The following RELA variants were observed in gnomAD, a reference collection of about 807,000 sequenced individuals.
RELA encodes the protein RELA proto-oncogene, NF-kB subunit, also known as transcription factor p65.
Under a neutral mutation model 56.7 loss-of-function variants are expected in RELA, and 14 were observed. The observed-to-expected ratio is 0.25, with a 90% CI of 0.16 to 0.39. The LOEUF is 0.39. Among genes scored for constraint, RELA ranks in the 10% least tolerant of loss-of-function variants. RELA has a pLI of 1.00. For missense variants in RELA, 559 were observed against 736.4 expected, an observed-to-expected ratio of 0.76 and a Z score of 2.79; for synonymous variants, 315 against 289.7, an observed-to-expected ratio of 1.09 and a Z score of -0.89.
At chr11:65,656,496 A>T (rs1856432439) in intron 8 of RELA, among the ~76,000 whole-genome samples, 1 of 152,198 alleles carries the variant, frequency 6.6e-6, no homozygotes, top group Non-Finnish European at 1.5e-5. Flanking sequence ...TTTCTCCTGC[A>T]TTCCCTGACC....
In RELA at chr11:65,659,678, T is replaced by C. The variant is rs1241103660; in HGVS notation, c.547A>G (p.Ile183Val). 2 of 1,613,494 alleles carry C rather than the reference T, an allele frequency of 1.2e-6. No individual in the cohort carries two copies. Among genetic ancestry groups the C allele is most frequent in the Non-Finnish European group, 1.7e-6 (2 of 1,179,930 alleles). ...LRLPPVLSHP[I>V]FDNRAPNTAE... ...CCTCGCTACTCACGATTGTCAAAGA[T>C]GGGATGAGAAAGGACAGGCGGCAGG... The change falls in exon 6 of 11, where the codon ATC becomes GTC. Residue 183 changes from isoleucine to valine, a missense_variant. This residue lies in a region of RELA where 149 missense variants were observed against 256.0 expected (regional missense o/e 0.58). Transcript: ENST00000406246.
intron 4 of RELA, 84 bp from the exon 5 acceptor site, chr11:65,660,299 G>T: frequency 1.6e-6 from 2 of 1,246,976 alleles, no homozygotes; most frequent in East Asian, 2.3e-5. Flanking sequence ...TTCCTACTCT[G>T]CCCACCCCTA....
Position 65,659,715 on chromosome 11 carries a change from G to T in RELA, c.510C>A (p.Gly170=), listed in dbSNP as rs1360244164. 4 of 1,613,810 alleles carry T rather than the reference G, an allele frequency of 2.5e-6. No individual in the cohort carries two copies. The highest frequency in any genetic ancestry group is 1.3e-5 in the African/African-American group (1 of 74,934). The change falls in exon 6 of 11, where the codon GGC becomes GGA. Residue 170 remains glycine, a synonymous_variant. Coordinates refer to ENST00000406246, the MANE Select transcript of RELA (RefSeq NM_021975.4). ...CFQVTVRDPS[G]RPLRLPPVLS... is the part of the protein sequence containing the mutation. ...GGACAGGCGGCAGGCGGAGGGGCCT[G>T]CCTGATGGGTCCCGCACTGTCACCT...
intron 1 of RELA, 69 bp from the exon 2 acceptor site, chr11:65,662,274 C>G: frequency 6.9e-7 from 1 of 1,457,854 alleles, no homozygotes; most frequent in Non-Finnish European, 9.1e-7. Context: ...AATCTGCTCT[C>G]CACGGAGAGG....
At chr11:65,663,452 G>A (rs1388696122), upstream of RELA, among the ~76,000 whole-genome samples, 1 of 152,204 alleles carries the variant, frequency 6.6e-6, no homozygotes, top group East Asian at 1.9e-4. Flanking sequence ...AATGGGAGCG[G>A]CCGGACCTCC....
At position 65,658,351 on chromosome 11, in the gene RELA, C is replaced by T; in HGVS notation, c.813G>A (p.Gln271=). The part of the protein sequence containing the change: ...SLQAPVRVSM[Q]LRRPSDRELS... ...GCTCCCGGTCGGAAGGCCGCCGCAG[C>T]TGCATGGAGACACGCACAGGAGCCT... The change falls in exon 8 of 11, where the codon CAG becomes CAA. Residue 271 remains glutamine, a synonymous_variant. Coordinates refer to ENST00000406246, the MANE Select transcript of RELA (RefSeq NM_021975.4). The surrounding 1 kb of genome is among the most constrained non-coding windows in gnomAD (Gnocchi z 4.5). The T allele has an allele frequency of 6.2e-7, 1 of 1,613,552 alleles. No homozygotes were observed. The highest frequency in any genetic ancestry group is 8.5e-7 in the Non-Finnish European group (1 of 1,179,840).
In RELA at chr11:65,662,879, C is replaced by T; in HGVS notation, c.-47G>A. On this transcript the variant is annotated 5_prime_UTR_variant, in exon 1 of 11. Coordinates refer to ENST00000406246, the MANE Select transcript of RELA (RefSeq NM_021975.4). ...GCCGGGGTCGCAGCTGGGCCCGCGG[C>T]GTGCACTACAGACGAGCCATTCGCC... 3 of 1,184,074 alleles carry T rather than the reference C, an allele frequency of 2.5e-6. No homozygotes were observed. Among genetic ancestry groups the T allele is most frequent in the Non-Finnish European group, 3.1e-6 (3 of 956,570 alleles). 73.3% of individuals were successfully genotyped at this position (1,184,074 alleles called of 1,614,324 possible). A position where few individuals can be genotyped will look rare whatever the true frequency, so the allele number is the denominator to read the frequency against.
At position 65,654,919 on chromosome 11, in the gene RELA, T is replaced by C; in HGVS notation, c.1115A>G (p.Gln372Arg). 6.2e-7 allele frequency: 1 copy of C among 1,600,016 alleles called. No individual in the cohort carries two copies. Among genetic ancestry groups the C allele is most frequent in the Non-Finnish European group, 8.5e-7 (1 of 1,173,898 alleles). Reference sequence around the variant, plus strand: ...GGCCAAGGCCGAGGCCTGGCTGATCTGCCCAGAAGGAAACACCATGGTGGG... The same window carrying C: ...GGCCAAGGCCGAGGCCTGGCTGATCCGCCCAGAAGGAAACACCATGGTGGG... The part of the protein sequence containing the change: ...EFPTMVFPSG[Q>R]ISQASALAPA... Residue 372 changes from glutamine to arginine, a missense_variant, in exon 11 of 11, where the codon CAG becomes CGG. Gln to Arg is a conservative substitution (Grantham distance 43). This residue lies in a region of RELA where 365 missense variants were observed against 387.5 expected (regional missense o/e 0.94). Transcript: ENST00000406246.
rs1402366956 is a variant in RELA at position 65,662,197 on chromosome 11, G to A, written c.16C>T (p.Pro6Ser). 1.9e-6 allele frequency: 3 copies of A among 1,582,528 alleles called. No individual in the cohort carries two copies. MDELF[P>S]LIFPAEPAQA... Reference sequence around the variant, plus strand: ...CACTTACCTGCCGGGAAGATGAGGGGGAACAGTTCTGAAAGGGGAGGGAGA... The same window carrying A: ...CACTTACCTGCCGGGAAGATGAGGGAGAACAGTTCTGAAAGGGGAGGGAGA... Residue 6 changes from proline (P) to serine (S), a missense_variant, in exon 2 of 11, where the codon CCC becomes TCC. Transcript: ENST00000406246.
At chr11:65,662,405 G>A (rs869068092) in intron 1 of RELA, 200 bp from the exon 2 acceptor site, 1 of 590,550 alleles carries the variant, frequency 1.7e-6, no homozygotes, top group South Asian at 2.9e-5. Flanking sequence ...AACGGGGTAA[G>A]GAATCCTTCT....
rs1282808983 is a variant in RELA at position 65,654,841 on chromosome 11, G to A, written c.1193C>T (p.Ala398Val). The change falls in exon 11 of 11, where the codon GCC becomes GTC. Residue 398 changes from alanine to valine, a missense_variant. Coordinates refer to ENST00000406246, the MANE Select transcript of RELA (RefSeq NM_021975.4). ...GGCCTGGGCCAGAGCTGATACCATGGCTGGAGCAGGGGCAGGGGCTGGAGC... is the reference window on the plus strand; with the variant it reads ...GGCCTGGGCCAGAGCTGATACCATGACTGGAGCAGGGGCAGGGGCTGGAGC... ...PQAPAPAPAP[A>V]MVSALAQAPA... 6.4e-7 allele frequency: 1 copy of A among 1,555,234 alleles called. No homozygotes were observed. Among genetic ancestry groups the A allele is most frequent in the South Asian group, 1.2e-5 (1 of 84,876 alleles).
chr11:65,662,241 C>G, intron 1 of RELA, 36 bp from the exon 2 acceptor site: 1 of 1,514,192 alleles, frequency 6.6e-7, no homozygotes, highest in Non-Finnish European at 8.8e-7. Flanking sequence ...AGCACACACC[C>G]AATGCCCATT....
At chr11:65,660,087 C>A (rs1455808537) in intron 5 of RELA, 37 bp downstream of exon 5, 2 of 1,588,540 alleles carry the variant, frequency 1.3e-6, no homozygotes, top group Admixed American at 1.7e-5. Context: ...GGGAGGGTGA[C>A]AGAGGGTGCG....
chr11:65,658,533 T>C lies in RELA; in HGVS notation c.665-34A>G. 6.5e-7 allele frequency: 1 copy of C among 1,531,148 alleles called. No homozygotes were observed. Among genetic ancestry groups the C allele is most frequent in the Non-Finnish European group, 9.0e-7 (1 of 1,115,822 alleles). 94.8% of individuals were successfully genotyped at this position (1,531,148 alleles called of 1,614,324 possible). A position where few individuals can be genotyped will look rare whatever the true frequency, so the allele number is the denominator to read the frequency against. On this transcript the variant is annotated intron_variant, in intron 7 of 10. Transcript: ENST00000406246. This position sits in a 1 kb window ranked among gnomAD's most constrained non-coding sequence, Gnocchi z 4.5. The stretch of plus-strand genomic sequence containing the variant: ...GATGCGGTGGCAGTGTGGGTCAGTG[T>C]GTCTAACCCTCCATGGTCTCCCCCT...
intron 8 of RELA, among the ~76,000 whole-genome samples, chr11:65,656,281 G>A (rs923767810): frequency 2.0e-5 from 3 of 152,196 alleles, no homozygotes; most frequent in Non-Finnish European, 4.4e-5. Context: ...CAGGCCTGGC[G>A]AGAATTTCTT....
intron 8 of RELA, 47 bp from the exon 9 acceptor site, chr11:65,655,982 T>C (rs1182515817): frequency 6.5e-7 from 1 of 1,530,442 alleles, no homozygotes; most frequent in African/African-American, 1.4e-5. Flanking sequence ...CTCAGGTGGG[T>C]CCCCGACGCT....
Position 65,658,164 on chromosome 11 carries a change from T to G in RELA, c.877+123A>C. 3.0e-6 allele frequency: 2 copies of G among 673,926 alleles called. No individual in the cohort carries two copies. Among genetic ancestry groups the G allele is most frequent in the Non-Finnish European group, 5.0e-6 (2 of 400,446 alleles). 41.7% of individuals were successfully genotyped at this position (673,926 alleles called of 1,614,324 possible). ...ATGAGGCAAGAAATGGATTCCAGTTTCTTGGATCCCAAGCTCTGACTCCAG... is the reference window on the plus strand; with the variant it reads ...ATGAGGCAAGAAATGGATTCCAGTTGCTTGGATCCCAAGCTCTGACTCCAG... On this transcript the variant is annotated intron_variant, in intron 8 of 10. Coordinates refer to ENST00000406246, the MANE Select transcript of RELA (RefSeq NM_021975.4). The surrounding 1 kb of genome is among the most constrained non-coding windows in gnomAD (Gnocchi z 4.5).
chr11:65,654,334 A>G lies in RELA; in HGVS notation c.*44T>C, dbSNP rs758529362. On this transcript the variant is annotated 3_prime_UTR_variant, in exon 11 of 11. Transcript: ENST00000406246. ...CCGTAAGTGCTTTTGGAGGGCTTCA[A>G]TCCCCTGCAACCCAGTGCTCTGGGG... 1 of 1,613,354 alleles carries G rather than the reference A, an allele frequency of 6.2e-7. No homozygotes were observed. Among genetic ancestry groups the G allele is most frequent in the Non-Finnish European group, 8.5e-7 (1 of 1,179,846 alleles).
Position 65,658,895 on chromosome 11 carries a change from C to G in RELA, c.560-73G>C. On this transcript the variant is annotated intron_variant, in intron 6 of 10. Coordinates refer to ENST00000406246, the MANE Select transcript of RELA (RefSeq NM_021975.4). This position sits in a 1 kb window ranked among gnomAD's most constrained non-coding sequence, Gnocchi z 4.5. ...CCAGGGTGGCCTGCAGGAGATGCAA[C>G]TTCCCTGCCCAGCCCAGAGTCAAGG... The G allele has an allele frequency of 1.6e-6, 2 of 1,213,776 alleles. No individual in the cohort carries two copies. The highest frequency in any genetic ancestry group is 2.4e-6 in the Non-Finnish European group (2 of 817,794). The allele number at this position is 1,213,776 out of a possible 1,614,324, so 75.2% of individuals were successfully genotyped here.
Sources: allele counts gnomAD v4.1 joint callset (sites outside exome capture counted in the v4.1 genomes callset), GRCh38; gene constraint gnomAD v4.1.1; regional missense constraint gnomAD v4.1.1; non-coding constraint Gnocchi (gnomAD v3.1); transcripts MANE v1.5; gene names NCBI Gene and HGNC (gene_info 2026-07-23, HGNC 2026-07-21).